Variants in MLIP observed in about 807,000 individuals in gnomAD.
MLIP encodes muscular LMNA-interacting protein.
In MLIP, 79 loss-of-function variants were observed where a neutral mutation model predicts 84.8. That is an observed-to-expected ratio of 0.93 (90% CI 0.78 to 1.12). The LOEUF (loss-of-function observed/expected upper bound fraction) is 1.12. Among genes scored for constraint, MLIP ranks in the 50% most tolerant of loss-of-function variants. MLIP has a pLI of 0.00. For synonymous variants in MLIP, 504 were observed against 463.0 expected, an observed-to-expected ratio of 1.09 and a Z score of -1.14; for missense variants, 1,257 against 1,160.6, an observed-to-expected ratio of 1.08 and a Z score of -1.21.
chr6:54,253,528 C>T (rs935422429), intron 12 of MLIP, among the ~76,000 whole-genome samples: 8 of 152,150 alleles, frequency 5.3e-5, no homozygotes, highest in African/African-American at 1.9e-4. Context: ...TTCACAAAAG[C>T]TAAAGCTCTA....
chr6:54,251,981 TA>T (rs1270893901), intron 12 of MLIP, among the ~76,000 whole-genome samples: 6 of 88,544 alleles, frequency 6.8e-5, no homozygotes, highest in South Asian at 3.8e-4. Flanking sequence ...ACATAATATA[TA>T]ATATAAATAT....
At chr6:54,044,066 T>C (rs1266177813) in intron 1 of MLIP, among the ~76,000 whole-genome samples, 3 of 152,194 alleles carry the variant, frequency 2.0e-5, no homozygotes, top group African/African-American at 4.8e-5. Flanking sequence ...GCAAATAGAA[T>C]ACAACCCAAA....
intron 1 of MLIP, among the ~76,000 whole-genome samples, chr6:54,082,717 A>T (rs1767241274): frequency 6.6e-6 from 1 of 151,628 alleles, no homozygotes; most frequent in African/African-American, 2.4e-5. Context: ...TATGATTTTG[A>T]TTTGCATTTT....
chr6:54,046,812 T>C (rs555354085), intron 1 of MLIP: 2 of 152,314 alleles, frequency 1.3e-5, no homozygotes, highest in African/African-American at 4.8e-5. Flanking sequence ...CTGCTGAGGA[T>C]AGTCTTGATT....
chr6:54,019,600 T>C (rs1763386953), intron 1 of MLIP, among the ~76,000 whole-genome samples: 1 of 152,222 alleles, frequency 6.6e-6, no homozygotes. Flanking sequence ...TAAATGTCAA[T>C]GATTAATATG....
At chr6:54,253,323 C>T (rs1018423203) in intron 12 of MLIP, among the ~76,000 whole-genome samples, 1 of 152,062 alleles carries the variant, frequency 6.6e-6, no homozygotes, top group East Asian at 1.9e-4. Flanking sequence ...TGACTGAAGA[C>T]AAATGGTGTG....
chr6:54,210,141 C>CGCACCGCACT (rs1409861477), intron 11 of MLIP, among the ~76,000 whole-genome samples: 1 of 107,442 alleles, frequency 9.3e-6, no homozygotes, highest in East Asian at 2.0e-4. Flanking sequence ...CTCACCTCAC[C>CGCACCGCACT]GCACCGCACC....
chr6:54,183,324 C>T (rs201535932), intron 9 of MLIP, among the ~76,000 whole-genome samples: 1 of 152,198 alleles, frequency 6.6e-6, no homozygotes, highest in East Asian at 1.9e-4. Context: ...ACAATTTAAG[C>T]AAGAAATTCC....
chr6:54,106,626 A>C (rs1769038787), upstream of MLIP, among the ~76,000 whole-genome samples: 1 of 152,248 alleles, frequency 6.6e-6, no homozygotes, highest in Non-Finnish European at 1.5e-5. Flanking sequence ...CAAGAAGAAT[A>C]ATATGAACTC....
chr6:54,124,382 A>G (rs1582204457), intron 2 of MLIP, 91 bp from the exon 3 acceptor site: 6 of 1,178,686 alleles, frequency 5.1e-6, no homozygotes, highest in Non-Finnish European at 7.0e-6. Context: ...TTTTGAAAAT[A>G]TAAGGAGGTT....
At chr6:54,240,634 A>C (rs187048432) in intron 12 of MLIP, among the ~76,000 whole-genome samples, 137 of 152,276 alleles carry the variant, frequency 9.0e-4, no homozygotes, top group Admixed American at 1.8e-3. Context: ...TAACTTTAGG[A>C]CTCAGATTGG....
chr6:54,143,097 C>T (rs1458303046), intron 4 of MLIP, among the ~76,000 whole-genome samples: 3 of 152,158 alleles, frequency 2.0e-5, no homozygotes, highest in Non-Finnish European at 2.9e-5. Context: ...GTGTACCACT[C>T]CTGTGCTTCT....
At chr6:54,178,733 A>G (rs1286485541) in intron 9 of MLIP, among the ~76,000 whole-genome samples, 1 of 151,976 alleles carries the variant, frequency 6.6e-6, no homozygotes, top group Non-Finnish European at 1.5e-5. Context: ...TTCTAGCTTA[A>G]TCTCCTGGTG....
chr6:54,086,326 C>T (rs1046116195), intron 1 of MLIP, among the ~76,000 whole-genome samples: 1 of 152,174 alleles, frequency 6.6e-6, no homozygotes, highest in Admixed American at 6.5e-5. Context: ...AAAGACCCCT[C>T]CCACCTAAGG....
chr6:54,105,446 G>A (rs868675327), intron 1 of MLIP, among the ~76,000 whole-genome samples: 1 of 152,160 alleles, frequency 6.6e-6, no homozygotes, highest in Non-Finnish European at 1.5e-5. Context: ...ATATGATAAA[G>A]AGTTCACTTT....
At chr6:54,026,088 G>A (rs974752177) in intron 1 of MLIP, among the ~76,000 whole-genome samples, 3 of 152,156 alleles carry the variant, frequency 2.0e-5, no homozygotes, top group African/African-American at 7.2e-5. Flanking sequence ...AGGGAATTCG[G>A]AACCAGGATT....
chr6:54,063,685 T>C (rs1176999383), intron 1 of MLIP, among the ~76,000 whole-genome samples: 2 of 128,294 alleles, frequency 1.6e-5, no homozygotes, highest in Non-Finnish European at 3.1e-5. Flanking sequence ...CATGATTAGA[T>C]GGAGTGGGAT....
chr6:54,134,672 C>T (rs956650632), intron 3 of MLIP, among the ~76,000 whole-genome samples: 1 of 151,924 alleles, frequency 6.6e-6, no homozygotes. Flanking sequence ...AGAGGTTAGT[C>T]TTTTCCTCTG....
In MLIP at chr6:54,160,359, G is replaced by T. The variant is rs764339847; in HGVS notation, c.2290-8G>T. 3.1e-5 allele frequency: 50 copies of T among 1,610,168 alleles called. No individual in the cohort carries two copies. The highest frequency in any genetic ancestry group is 4.0e-5 in the African/African-American group (3 of 74,668). On this transcript the variant is annotated splice_region_variant and splice_polypyrimidine_tract_variant and intron_variant, in intron 5 of 13. Transcript: ENST00000502396. ...GCCTCATATAAGAACTATTTCATTTGTCACTAGGCACTAGATGAACCAGCC... is the reference window on the plus strand; with the variant it reads ...GCCTCATATAAGAACTATTTCATTTTTCACTAGGCACTAGATGAACCAGCC...
Sources: allele counts gnomAD v4.1 joint callset (sites outside exome capture counted in the v4.1 genomes callset), GRCh38; gene constraint gnomAD v4.1.1; transcripts MANE v1.5; gene names NCBI Gene and HGNC (gene_info 2026-07-23, HGNC 2026-07-21).